FRAS1: variants seen among roughly 807,000 people sequenced by gnomAD.
The protein encoded by FRAS1 is Fraser extracellular matrix complex subunit 1, also known as extracellular matrix organizing protein FRAS1.
Under a neutral mutation model 435.2 loss-of-function variants are expected in FRAS1, and 290 were observed. The ratio of observed to expected loss-of-function variants is 0.67; its 90% CI spans 0.61 to 0.73. The LOEUF (loss-of-function observed/expected upper bound fraction) is 0.73. Among genes scored for constraint, FRAS1 ranks in the 30% least tolerant of loss-of-function variants. The probability of loss-of-function intolerance (pLI) is 0.00; values close to 1 mark genes in which losing one functional copy is unlikely to be tolerated. For synonymous variants in FRAS1, 1,800 were observed against 1,851.0 expected (o/e 0.97, Z 0.71); for missense variants, 4,860 against 5,001.5 (o/e 0.97, Z 0.85).
rs1731017024 is a variant in FRAS1 at position 78,360,049 on chromosome 4, A to G, written c.2423-3464A>G. ...GCCATGTCTGGTTTGAGAACTCCAG[A>G]GACTTGATTAGGAGGATAGAAAAAG... On this transcript the variant is annotated intron_variant, in intron 20 of 73. Transcript: ENST00000512123. 1.3e-5 allele frequency among the ~76,000 whole-genome samples: 2 copies of G among 152,182 alleles called. 1 individual carries two copies. The highest frequency in any genetic ancestry group is 1.3e-4 in the Admixed American group (2 of 15,280).
chr4:78,123,109 G>T (rs577178220), intron 2 of FRAS1, among the ~76,000 whole-genome samples: 2 of 152,182 alleles, frequency 1.3e-5, no homozygotes, highest in Non-Finnish European at 2.9e-5. Context: ...TATGGTCCTA[G>T]GTCTTACGTT....
intron 18 of FRAS1, among the ~76,000 whole-genome samples, chr4:78,322,131 C>T (rs898706712): frequency 2.6e-5 from 4 of 152,126 alleles, no homozygotes; most frequent in Non-Finnish European, 5.9e-5. Context: ...GCACAACTAC[C>T]AATTGTTTCC....
At chr4:78,365,921 C>T (rs12649497) in intron 22 of FRAS1, among the ~76,000 whole-genome samples, 25,081 of 150,340 alleles carry the variant, frequency 0.17, 2,697 homozygotes, top group East Asian at 0.34. Context: ...GCTGAGATCA[C>T]GCCATTGCAC....
chr4:78,395,361 C>A (rs1177076145), intron 29 of FRAS1, among the ~76,000 whole-genome samples: 4 of 152,022 alleles, frequency 2.6e-5, no homozygotes, highest in Non-Finnish European at 4.4e-5. Flanking sequence ...ATTCTATATA[C>A]GTCTGTTATG....
chr4:78,487,204 T>C (rs1172342183), intron 58 of FRAS1, among the ~76,000 whole-genome samples: 2 of 152,222 alleles, frequency 1.3e-5, no homozygotes, highest in African/African-American at 4.8e-5. Context: ...CCTACAGTTG[T>C]TAATTTTCCT....
intron 2 of FRAS1, among the ~76,000 whole-genome samples, chr4:78,234,387 G>A (rs1384109401): frequency 1.3e-5 from 2 of 151,964 alleles, no homozygotes; most frequent in Non-Finnish European, 1.5e-5. Context: ...CACTGCGCCC[G>A]GCTAATTTTT....
chr4:78,128,894 C>G (rs1459845064), intron 2 of FRAS1, among the ~76,000 whole-genome samples: 8 of 152,134 alleles, frequency 5.3e-5, no homozygotes, highest in Non-Finnish European at 2.9e-5. Flanking sequence ...TTAGGTCTAC[C>G]ATTTAAGTCT....
intron 1 of FRAS1, 24 bp from the exon 2 acceptor site, chr4:78,065,961 T>C: frequency 6.3e-7 from 1 of 1,593,554 alleles, no homozygotes; most frequent in Non-Finnish European, 8.6e-7. Flanking sequence ...TCCCTTTTAA[T>C]TCTTGTTTTG....
At chr4:78,147,925 C>G (rs1720484905) in intron 2 of FRAS1, among the ~76,000 whole-genome samples, 1 of 152,146 alleles carries the variant, frequency 6.6e-6, no homozygotes, top group Non-Finnish European at 1.5e-5. Context: ...TTCTGGAAAA[C>G]TTAAATCAAA....
rs1184361464 is a variant in FRAS1, at chr4:78,483,793, TATATAA to T, written c.8752+1260_8752+1265del. Among the ~76,000 whole-genome samples, 52 of 121,502 alleles carry T rather than the reference TATATAA, an allele frequency of 4.3e-4. 3 individuals are homozygous for T. The highest frequency in any genetic ancestry group is 1.4e-3 in the African/African-American group (47 of 33,122). 79.7% of individuals were successfully genotyped at this position (121,502 alleles called of 152,430 possible). ...CTCTCTCTCTCTCTCTATATATATA[TATATAA>T]AATTATGTATGTGTGATACACACAC... is the stretch of plus-strand genomic sequence containing the variant. On this transcript the variant is annotated intron_variant, in intron 58 of 73. Coordinates refer to ENST00000512123, the MANE Select transcript of FRAS1 (RefSeq NM_025074.7).
rs906872949 is a variant in FRAS1, at chr4:78,341,275, T to A, written c.2422+3458T>A. On this transcript the variant is annotated intron_variant, in intron 20 of 73. Transcript: ENST00000512123. ...TATTTATTGAGACACCCATAAAGAG[T>A]TGAGTCCTGTGACAGTGGTGAGACT... Among the ~76,000 whole-genome samples, 17 of 152,136 alleles carry A rather than the reference T, an allele frequency of 1.1e-4. 1 individual carries two copies. Among genetic ancestry groups the A allele is most frequent in the African/African-American group, 3.9e-4 (16 of 41,494 alleles).
chr4:78,538,425 C>T (rs1021693177), intron 72 of FRAS1, among the ~76,000 whole-genome samples: 2 of 152,140 alleles, frequency 1.3e-5, no homozygotes, highest in African/African-American at 2.4e-5. Flanking sequence ...CAAAAGCCAC[C>T]ACATGTCCTT....
intron 14 of FRAS1, among the ~76,000 whole-genome samples, chr4:78,296,999 T>A (rs931249933): frequency 9.2e-5 from 14 of 152,016 alleles, no homozygotes; most frequent in African/African-American, 2.2e-4. Context: ...ACAGAAAAAA[T>A]TTTTCATTCA....
chr4:78,340,989 A>C (rs1730376033), intron 20 of FRAS1, among the ~76,000 whole-genome samples: 1 of 152,218 alleles, frequency 6.6e-6, no homozygotes, highest in African/African-American at 2.4e-5. Flanking sequence ...GAATTTTCAG[A>C]GAATGAATTC....
chr4:78,412,906 C>G, intron 31 of FRAS1, 63 bp from the exon 32 acceptor site: 3 of 936,232 alleles, frequency 3.2e-6, no homozygotes, highest in Non-Finnish European at 4.7e-6. Flanking sequence ...GGGAAAAACC[C>G]ACGTACTAAC....
At chr4:78,457,626 T>A (rs1177039379) in intron 47 of FRAS1, among the ~76,000 whole-genome samples, 1 of 152,218 alleles carries the variant, frequency 6.6e-6, no homozygotes, top group Non-Finnish European at 1.5e-5. Flanking sequence ...AGCTATTTAC[T>A]AATCACCGAC....
chr4:78,286,264 G>A (rs1727593904), intron 13 of FRAS1, 141 bp from the exon 14 acceptor site: 9 of 882,922 alleles, frequency 1.0e-5, no homozygotes, highest in Non-Finnish European at 1.7e-5. Flanking sequence ...TACAGATGAT[G>A]GCTGTTAAAA....
intron 18 of FRAS1, among the ~76,000 whole-genome samples, chr4:78,329,643 A>G (rs1001773815): frequency 1.3e-5 from 2 of 152,254 alleles, no homozygotes; most frequent in East Asian, 1.9e-4. Flanking sequence ...CGAGTACCAC[A>G]TGCAAATGCA....
intron 2 of FRAS1, among the ~76,000 whole-genome samples, chr4:78,090,664 G>A (rs564041051): frequency 2.7e-4 from 41 of 152,212 alleles, no homozygotes; most frequent in Admixed American, 1.2e-3. Context: ...TTCCTAAAGC[G>A]CAGCTGTGTG....
Sources: gnomAD v4.1 joint callset for allele counts (sites outside exome capture counted in the v4.1 genomes callset) on GRCh38, gnomAD v4.1.1 for gene constraint, MANE v1.5 for transcripts, NCBI Gene and HGNC (gene_info 2026-07-23, HGNC 2026-07-21) for gene names.